MS4A3: variants seen among roughly 807,000 people sequenced by gnomAD.
MS4A3 encodes membrane-spanning 4-domains subfamily A member 3.
A neutral mutation model predicts 24.7 loss-of-function variants in MS4A3; 18 were observed. The observed-to-expected ratio is 0.73, with a 90% CI of 0.50 to 1.08. MS4A3 has a LOEUF of 1.08. Among genes scored for constraint, MS4A3 ranks in the 50% least tolerant of loss-of-function variants. The probability of loss-of-function intolerance (pLI) is 0.00; values close to 1 mark genes in which losing one functional copy is unlikely to be tolerated. For missense variants in MS4A3, 282 were observed against 251.7 expected (o/e 1.12, Z -0.82); for synonymous variants, 84 against 95.3 (o/e 0.88, Z 0.69).
chr11:60,062,372 A>G, intron 2 of MS4A3, 96 bp from the exon 3 acceptor site: 1 of 1,448,114 alleles, frequency 6.9e-7, no homozygotes, highest in Non-Finnish European at 9.6e-7. Context: ...CATTTCAAGC[A>G]CCGACATCTC....
At chr11:60,061,478 C>T in intron 2 of MS4A3, 162 bp downstream of exon 2, 2 of 795,212 alleles carry the variant, frequency 2.5e-6, no homozygotes, top group Non-Finnish European at 4.2e-6. Context: ...TGCTCTCCCT[C>T]TTCTTCCTCA....
rs1855371233 is a variant in MS4A3 at position 60,066,982 on chromosome 11, G to A, written c.383G>A (p.Ser128Asn). 1.9e-6 allele frequency: 3 copies of A among 1,607,620 alleles called. No homozygotes were observed. The highest frequency in any genetic ancestry group is 4.5e-5 in the East Asian group (2 of 44,832). The change falls in exon 5 of 7, where the codon AGT becomes AAT. Residue 128 changes from serine (S) to asparagine (N), a missense_variant. Coordinates refer to ENST00000278865, the MANE Select transcript of MS4A3 (RefSeq NM_006138.5). ...AACAGTTTTGGAATGAACATTGCCAGTGCTACAATTGCACTAGTGGGGACT... is the reference window on the plus strand; with the variant it reads ...AACAGTTTTGGAATGAACATTGCCAATGCTACAATTGCACTAGTGGGGACT... ...IQNSFGMNIA[S>N]ATIALVGTAF... is the part of the protein sequence containing the mutation.
At chr11:60,069,248 C>T (rs1171643038) in intron 5 of MS4A3, among the ~76,000 whole-genome samples, 4 of 152,168 alleles carry the variant, frequency 2.6e-5, no homozygotes, top group African/African-American at 9.7e-5. Flanking sequence ...CTGCCTACTC[C>T]TCTCCTTAGT....
In MS4A3 at chr11:60,067,093, A is replaced by G; in HGVS notation, c.494A>G (p.Tyr165Cys). 1 of 1,607,918 alleles carries G rather than the reference A, an allele frequency of 6.2e-7. No individual in the cohort carries two copies. The highest frequency in any genetic ancestry group is 8.5e-7 in the Non-Finnish European group (1 of 1,178,394). Reference sequence around the variant, plus strand: ...TCAGAGTCACCGGACCTATGCAATTACATGGGCTCCATATCAAATGTATGT... The same window carrying G: ...TCAGAGTCACCGGACCTATGCAATTGCATGGGCTCCATATCAAATGTATGT... ...SSSESPDLCN[Y>C]MGSISNGMVS... The change falls in exon 5 of 7, where the codon TAC (tyrosine) becomes TGC (cysteine). Residue 165 changes from tyrosine to cysteine, a missense_variant. Coordinates refer to ENST00000278865, the MANE Select transcript of MS4A3 (RefSeq NM_006138.5).
Position 60,069,678 on chromosome 11 carries a change from G to A in MS4A3, c.615+3G>A, listed in dbSNP as rs764800693. 6.2e-7 allele frequency: 1 copy of A among 1,602,718 alleles called. No homozygotes were observed. Among genetic ancestry groups the A allele is most frequent in the African/African-American group, 1.3e-5 (1 of 74,786 alleles). On this transcript the variant is annotated splice_donor_region_variant and intron_variant, in intron 6 of 6. Transcript: ENST00000278865. ...CAAACTGCTGTAATTCAAGAGAGGT[G>A]AGATTTTTCAAATGATTAATCATTC...
chr11:60,069,555 A>G lies in MS4A3; in HGVS notation c.514-19A>G. 6.4e-7 allele frequency: 1 copy of G among 1,556,714 alleles called. No individual in the cohort carries two copies. The highest frequency in any genetic ancestry group is 8.8e-7 in the Non-Finnish European group (1 of 1,130,754). Reference sequence around the variant, plus strand: ...TGGATGTTGCCACTGGGTTTGATATAAGGCATCATATCCCCTAGGGCATGG... The same window carrying G: ...TGGATGTTGCCACTGGGTTTGATATGAGGCATCATATCCCCTAGGGCATGG... On this transcript the variant is annotated intron_variant, in intron 5 of 6. Transcript: ENST00000278865.
At chr11:60,057,534 A>C (rs2134653651) in intron 1 of MS4A3, among the ~76,000 whole-genome samples, 1 of 152,242 alleles carries the variant, frequency 6.6e-6, no homozygotes, top group East Asian at 1.9e-4. Context: ...CCTCCTGAGT[A>C]GCTGGGATTA....
chr11:60,060,037 G>T (rs1855246853), intron 1 of MS4A3, among the ~76,000 whole-genome samples: 1 of 152,160 alleles, frequency 6.6e-6, no homozygotes, highest in African/African-American at 2.4e-5. Context: ...GAATTAGGAA[G>T]TTATCTTGCC....
intron 1 of MS4A3, among the ~76,000 whole-genome samples, chr11:60,058,341 T>C (rs1279340874): frequency 6.6e-6 from 1 of 150,992 alleles, no homozygotes; most frequent in East Asian, 2.0e-4. Flanking sequence ...ACCCCATCTC[T>C]ACTAAAAGTA....
chr11:60,067,040 C>T lies in MS4A3; in HGVS notation c.441C>T (p.Ile147=). ...TCTCACTAAATATAGCAGTTAATAT[C>T]CAGTCATTAAGGAGTTGTCACTCTT... ...AFLSLNIAVN[I]QSLRSCHSSS... Residue 147 remains isoleucine, a synonymous_variant, in exon 5 of 7, where the codon ATC becomes ATT. Coordinates refer to ENST00000278865, the MANE Select transcript of MS4A3 (RefSeq NM_006138.5). The T allele has an allele frequency of 6.2e-7, 1 of 1,613,224 alleles. No homozygotes were observed.
Position 60,070,135 on chromosome 11 carries a change from C to A in MS4A3, c.616-69C>A, listed in dbSNP as rs997476357. 2.4e-5 allele frequency: 31 copies of A among 1,305,740 alleles called. No individual in the cohort carries two copies. In the African/African-American group the frequency reaches 3.8e-4, roughly 16 times the overall value. 80.9% of individuals were successfully genotyped at this position (1,305,740 alleles called of 1,614,324 possible). A position where few individuals can be genotyped will look rare whatever the true frequency, so the allele number is the denominator to read the frequency against. On this transcript the variant is annotated intron_variant, in intron 6 of 6. Transcript: ENST00000278865. ...TTATTGTTGATGATTATGATGATAA[C>A]AGGAAGGGATGGGAGGAGAAGGAGA...
intron 2 of MS4A3, 116 bp downstream of exon 2, chr11:60,061,432 C>G: frequency 8.0e-7 from 1 of 1,255,786 alleles, no homozygotes; most frequent in Non-Finnish European, 1.1e-6. Flanking sequence ...TTTCTTCCAC[C>G]TCTGTTTGCC....
chr11:60,068,423 T>G (rs1252092801), intron 5 of MS4A3, among the ~76,000 whole-genome samples: 1 of 150,054 alleles, frequency 6.7e-6, no homozygotes, highest in Non-Finnish European at 1.5e-5. Flanking sequence ...TTTTTTTTTT[T>G]TTGTATTTTT....
intron 2 of MS4A3, 185 bp downstream of exon 2, chr11:60,061,501 T>C: frequency 1.4e-6 from 1 of 711,378 alleles, no homozygotes; most frequent in South Asian, 1.5e-5. Flanking sequence ...CTATTCAACG[T>C]GAAGAGGATG....
At chr11:60,065,227 T>C (rs1253929996) in intron 4 of MS4A3, among the ~76,000 whole-genome samples, 2 of 150,316 alleles carry the variant, frequency 1.3e-5, no homozygotes, top group Non-Finnish European at 3.0e-5. Context: ...TTTTTTTTTT[T>C]TTTTTGTAGA....
intron 1 of MS4A3, among the ~76,000 whole-genome samples, chr11:60,058,626 T>C (rs992494981): frequency 6.7e-6 from 1 of 149,130 alleles, no homozygotes; most frequent in Admixed American, 6.7e-5. Context: ...CACAGAGGAT[T>C]GAAGACATTT....
chr11:60,061,679 G>A (rs1270765269), intron 2 of MS4A3: 1 of 250,302 alleles, frequency 4.0e-6, no homozygotes, highest in Non-Finnish European at 7.9e-6. Flanking sequence ...AAGACTTCTG[G>A]TCAACAGTAG....
chr11:60,062,058 G>T (rs1379489627), intron 2 of MS4A3, among the ~76,000 whole-genome samples: 2 of 152,134 alleles, frequency 1.3e-5, no homozygotes, highest in Admixed American at 1.3e-4. Context: ...TAAAAATTGG[G>T]TTGAGAGAAG....
At chr11:60,064,778 G>A (rs1250269218) in intron 4 of MS4A3, among the ~76,000 whole-genome samples, 1 of 151,864 alleles carries the variant, frequency 6.6e-6, no homozygotes, top group Non-Finnish European at 1.5e-5. Flanking sequence ...CCATTTTATT[G>A]TATCCTCAAA....
Sources: gnomAD v4.1 joint callset for allele counts (sites outside exome capture counted in the v4.1 genomes callset) on GRCh38, gnomAD v4.1.1 for gene constraint, MANE v1.5 for transcripts, NCBI Gene and HGNC (gene_info 2026-07-23, HGNC 2026-07-21) for gene names.